PRKCH: variants seen among roughly 807,000 people sequenced by gnomAD.
PRKCH encodes the protein protein kinase C eta, also known as protein kinase C eta type.
Under a neutral mutation model 82.5 loss-of-function variants are expected in PRKCH, and 28 were observed. That is an observed-to-expected ratio of 0.34 (90% CI 0.25 to 0.47). The LOEUF (loss-of-function observed/expected upper bound fraction) is 0.47, where lower values mean the gene tolerates loss of function less well. Among genes scored for constraint, PRKCH ranks in the 20% least tolerant of loss-of-function variants. The probability of loss-of-function intolerance (pLI) is 1.00; values close to 1 mark genes in which losing one functional copy is unlikely to be tolerated. For missense variants in PRKCH, 705 were observed against 881.8 expected (o/e 0.80, Z 2.54); for synonymous variants, 322 against 327.4 (o/e 0.98, Z 0.18).
intron 1 of PRKCH, among the ~76,000 whole-genome samples, chr14:61,315,795 T>A (rs1221540186): frequency 2.0e-5 from 3 of 149,042 alleles, no homozygotes; most frequent in African/African-American, 7.4e-5. Flanking sequence ...TCACCCAGGC[T>A]GGAGTGCAAT....
intron 1 of PRKCH, among the ~76,000 whole-genome samples, chr14:61,271,513 G>C (rs1036060356): frequency 6.6e-6 from 1 of 152,158 alleles, no homozygotes; most frequent in Non-Finnish European, 1.5e-5. Context: ...AAAACTAAAA[G>C]AAAATTAGAG....
chr14:61,485,688 T>G, intron 10 of PRKCH, 32 bp downstream of exon 10: 2 of 1,597,978 alleles, frequency 1.3e-6, no homozygotes, highest in Non-Finnish European at 1.7e-6. Flanking sequence ...GTCTTCTAAT[T>G]CACTGCCTCT....
chr14:61,511,992 C>A (rs1887397660), intron 10 of PRKCH, among the ~76,000 whole-genome samples: 2 of 152,114 alleles, frequency 1.3e-5, no homozygotes, highest in African/African-American at 2.4e-5. Flanking sequence ...GTTCTACTTT[C>A]AAATAATTCA....
chr14:61,279,081 T>C (rs1429811561), intron 1 of PRKCH: 1 of 151,884 alleles, frequency 6.6e-6, no homozygotes, highest in African/African-American at 2.4e-5. Context: ...CTCGAAGATC[T>C]CTTCCAGCTA....
chr14:61,399,635 A>G (rs1395874002), intron 2 of PRKCH, among the ~76,000 whole-genome samples: 1 of 152,216 alleles, frequency 6.6e-6, no homozygotes, highest in Non-Finnish European at 1.5e-5. Context: ...CCTACTAATA[A>G]TTACATAACA....
At chr14:61,393,950 T>C (rs1367292059) in intron 2 of PRKCH, among the ~76,000 whole-genome samples, 3 of 152,244 alleles carry the variant, frequency 2.0e-5, no homozygotes, top group African/African-American at 4.8e-5. Flanking sequence ...ATCAACTAGT[T>C]GTTTAAAATA....
At chr14:61,187,678 T>G (rs1199753675) in intron 1 of PRKCH, 1 of 152,304 alleles carries the variant, frequency 6.6e-6, no homozygotes, top group Non-Finnish European at 1.5e-5. Flanking sequence ...GGTAAGCATG[T>G]GCTTGAGTGC....
At chr14:61,412,466 T>C (rs1882317237) in intron 2 of PRKCH, among the ~76,000 whole-genome samples, 1 of 152,210 alleles carries the variant, frequency 6.6e-6, no homozygotes, top group Admixed American at 6.5e-5. Context: ...CTAATTTATC[T>C]GAACCATAAG....
chr14:61,380,179 C>G (rs964022324), intron 1 of PRKCH, among the ~76,000 whole-genome samples: 4 of 152,154 alleles, frequency 2.6e-5, no homozygotes, highest in Admixed American at 1.3e-4. Context: ...CCACCTCAAC[C>G]TCCCAAGCAG....
intron 9 of PRKCH, among the ~76,000 whole-genome samples, chr14:61,463,639 A>G (rs1885126589): frequency 6.6e-6 from 1 of 152,218 alleles, no homozygotes; most frequent in African/African-American, 2.4e-5. Flanking sequence ...GATAATCTGG[A>G]CTACAAAAAT....
intron 1 of PRKCH, among the ~76,000 whole-genome samples, chr14:61,192,892 A>T (rs979289784): frequency 6.6e-6 from 1 of 152,182 alleles, no homozygotes; most frequent in Non-Finnish European, 1.5e-5. Context: ...CTGTGAACAG[A>T]GCAACCACTT....
chr14:61,280,109 CGTCCTG>C lies in PRKCH; in HGVS notation c.-19+92450_-19+92455del. ...AGCCGGAATCACTCCTCGTCGTCGT[CGTCCTG>C]GTCCTGGTAGCGAATGTAGACGACC... On this transcript the variant is annotated intron_variant, in intron 1 of 3. Coordinates refer to the PRKCH transcript ENST00000555185. This position sits in a 1 kb window ranked among gnomAD's most constrained non-coding sequence, Gnocchi z 5.0. 1 of 1,611,364 alleles carries C rather than the reference CGTCCTG, an allele frequency of 6.2e-7. No individual in the cohort carries two copies. The highest frequency in any genetic ancestry group is 8.5e-7 in the Non-Finnish European group (1 of 1,178,672).
chr14:61,241,192 C>A (rs2044833772), intron 1 of PRKCH, among the ~76,000 whole-genome samples: 1 of 152,184 alleles, frequency 6.6e-6, no homozygotes, highest in Non-Finnish European at 1.5e-5. Context: ...CTACAAAGGA[C>A]ACAGATAAAG....
intron 6 of PRKCH, 189 bp from the exon 7 acceptor site, chr14:61,453,037 G>T: frequency 1.5e-6 from 1 of 654,156 alleles, no homozygotes; most frequent in South Asian, 2.0e-5. Flanking sequence ...TTCTGCTTCT[G>T]CAGAAAACAG....
chr14:61,469,974 T>C (rs1213187088), intron 9 of PRKCH, among the ~76,000 whole-genome samples: 4 of 151,896 alleles, frequency 2.6e-5, no homozygotes, highest in African/African-American at 7.3e-5. Context: ...CTTATAAGCC[T>C]GAAGCTCATG....
intron 9 of PRKCH, among the ~76,000 whole-genome samples, chr14:61,465,583 A>G (rs888410173): frequency 4.6e-5 from 7 of 152,156 alleles, no homozygotes; most frequent in Non-Finnish European, 1.0e-4. Flanking sequence ...ATTGGTCTAT[A>G]TATCTGTTTT....
At chr14:61,317,054 C>A (rs149337047), upstream of PRKCH, among the ~76,000 whole-genome samples, 1 of 152,210 alleles carries the variant, frequency 6.6e-6, no homozygotes, top group Non-Finnish European at 1.5e-5. Context: ...AAATACTTCA[C>A]GTCAAACGTG....
intron 2 of PRKCH, among the ~76,000 whole-genome samples, chr14:61,426,899 A>G (rs1883135362): frequency 6.6e-6 from 1 of 152,218 alleles, no homozygotes. Context: ...ACTGTTTGTA[A>G]TGGGGAAATA....
At chr14:61,381,793 G>A (rs1270126642) in intron 1 of PRKCH, among the ~76,000 whole-genome samples, 1 of 152,232 alleles carries the variant, frequency 6.6e-6, no homozygotes, top group Non-Finnish European at 1.5e-5. Flanking sequence ...CAGGCTCCCA[G>A]GGGAATGAGT....
Sources: allele counts gnomAD v4.1 joint callset (sites outside exome capture counted in the v4.1 genomes callset), GRCh38; gene constraint gnomAD v4.1.1; non-coding constraint Gnocchi (gnomAD v3.1); transcripts MANE v1.5; gene names NCBI Gene and HGNC (gene_info 2026-07-23, HGNC 2026-07-21).